The following ULK4 variants were observed in gnomAD, a reference collection of about 807,000 sequenced individuals.
The protein encoded by ULK4 is inactive serine/threonine-protein kinase ULK4.
A neutral mutation model predicts 160.6 loss-of-function variants in ULK4; 133 were observed. The observed-to-expected ratio is 0.83, with a 90% CI of 0.72 to 0.96. The LOEUF is 0.96. ULK4 is among the 40% of genes least tolerant of loss of function. The pLI is 0.00. For synonymous variants in ULK4, 534 were observed against 539.8 expected (o/e 0.99, Z 0.15); for missense variants, 1,580 against 1,499.5 (o/e 1.05, Z -0.89).
chr3:41,351,758 G>T (rs1425346959), intron 35 of ULK4, among the ~76,000 whole-genome samples: 3 of 152,102 alleles, frequency 2.0e-5, no homozygotes, highest in Non-Finnish European at 2.9e-5. Context: ...TGGGAAGAAG[G>T]TGCTCCCTTT....
chr3:41,861,472 C>T (rs1717028), intron 17 of ULK4, among the ~76,000 whole-genome samples: 47,017 of 151,666 alleles, frequency 0.31, 10,593 homozygotes, highest in African/African-American at 0.64. Context: ...CATGTCACTC[C>T]CTCCTGGGCT....
chr3:41,433,731 T>TTA (rs2082966814), intron 34 of ULK4, among the ~76,000 whole-genome samples: 1 of 151,998 alleles, frequency 6.6e-6, no homozygotes, highest in Admixed American at 6.6e-5. Flanking sequence ...TCCCAAACTT[T>TTA]TTTTTTGAGA....
At chr3:41,355,513 A>G (rs934447935) in intron 35 of ULK4, among the ~76,000 whole-genome samples, 32 of 152,230 alleles carry the variant, frequency 2.1e-4, no homozygotes, top group African/African-American at 7.5e-4. Context: ...AGTATTCATA[A>G]TCAACTTTCT....
chr3:41,313,048 A>G (rs1482711793), intron 35 of ULK4, among the ~76,000 whole-genome samples: 2 of 152,232 alleles, frequency 1.3e-5, no homozygotes, highest in Non-Finnish European at 1.5e-5. Flanking sequence ...AAATGAACAC[A>G]TGCCAAAAAG....
At chr3:41,565,889 G>C in intron 32 of ULK4, 136 bp downstream of exon 32, 2 of 612,534 alleles carry the variant, frequency 3.3e-6, no homozygotes, top group Non-Finnish European at 5.5e-6. Context: ...TCCAAATTTT[G>C]CTAGTAATAT....
At chr3:41,943,192 G>A (rs1280909293) in intron 2 of ULK4, among the ~76,000 whole-genome samples, 9 of 141,146 alleles carry the variant, frequency 6.4e-5, no homozygotes, top group East Asian at 2.1e-4. Flanking sequence ...CAGCCTGGGC[G>A]ACAGAGCGAG....
chr3:41,738,075 T>C (rs1190400105), intron 22 of ULK4, among the ~76,000 whole-genome samples: 2 of 151,920 alleles, frequency 1.3e-5, no homozygotes, highest in South Asian at 2.1e-4. Context: ...ACTTAAAATA[T>C]GTAGGGGTGA....
At chr3:41,765,077 A>C (rs1187998777) in intron 21 of ULK4, among the ~76,000 whole-genome samples, 1 of 152,206 alleles carries the variant, frequency 6.6e-6, no homozygotes, top group African/African-American at 2.4e-5. Context: ...AAAGGATTAT[A>C]AATCATGCTG....
intron 17 of ULK4, among the ~76,000 whole-genome samples, chr3:41,853,891 T>A (rs2042273097): frequency 6.6e-6 from 1 of 152,198 alleles, no homozygotes; most frequent in Non-Finnish European, 1.5e-5. Flanking sequence ...GCATGTAACA[T>A]GCATGTTTAC....
At chr3:41,529,697 T>C (rs2086236852) in intron 32 of ULK4, among the ~76,000 whole-genome samples, 2 of 152,238 alleles carry the variant, frequency 1.3e-5, no homozygotes, top group Admixed American at 1.3e-4. Context: ...TTCGCCATGT[T>C]GGTCAGGCTG....
At chr3:41,529,646 G>A (rs916901826) in intron 32 of ULK4, among the ~76,000 whole-genome samples, 5 of 151,986 alleles carry the variant, frequency 3.3e-5, no homozygotes, top group Admixed American at 1.3e-4. Context: ...CACCCTGCCC[G>A]GCTTTTTCTT....
chr3:41,667,055 G>A (rs1407131966), intron 29 of ULK4, among the ~76,000 whole-genome samples: 1 of 152,086 alleles, frequency 6.6e-6, no homozygotes, highest in Non-Finnish European at 1.5e-5. Flanking sequence ...TCAGGAGGCT[G>A]AGGTGGGAGG....
chr3:41,580,216 T>G (rs2030177321), intron 31 of ULK4, among the ~76,000 whole-genome samples: 1 of 152,144 alleles, frequency 6.6e-6, no homozygotes, highest in Non-Finnish European at 1.5e-5. Context: ...TTATAGGGGT[T>G]GAGCACAGAG....
intron 35 of ULK4, among the ~76,000 whole-genome samples, chr3:41,281,850 G>A (rs1423340749): frequency 3.3e-5 from 5 of 152,210 alleles, no homozygotes; most frequent in Non-Finnish European, 5.9e-5. Flanking sequence ...AGGAAAAGAG[G>A]AAGTCAAATT....
At chr3:41,605,688 G>A (rs1467180176) in intron 31 of ULK4, among the ~76,000 whole-genome samples, 1 of 152,004 alleles carries the variant, frequency 6.6e-6, no homozygotes, top group Non-Finnish European at 1.5e-5. Flanking sequence ...CTCTCTCAAT[G>A]AGTGACAGAA....
intron 34 of ULK4, among the ~76,000 whole-genome samples, chr3:41,452,088 T>C (rs916914265): frequency 2.0e-5 from 3 of 152,194 alleles, no homozygotes; most frequent in Non-Finnish European, 4.4e-5. Flanking sequence ...GTGGGGAATC[T>C]TCTGATTTTG....
chr3:41,797,481 C>T (rs1356770528), intron 20 of ULK4, among the ~76,000 whole-genome samples: 4 of 152,124 alleles, frequency 2.6e-5, no homozygotes, highest in South Asian at 2.1e-4. Context: ...AAAACAAAAG[C>T]TCTGCACTCT....
chr3:41,352,501 C>T (rs530257281), intron 35 of ULK4, among the ~76,000 whole-genome samples: 27 of 152,296 alleles, frequency 1.8e-4, no homozygotes, highest in Non-Finnish European at 3.2e-4. Context: ...CTGGGGGCCC[C>T]CTGTCAACCT....
intron 29 of ULK4, among the ~76,000 whole-genome samples, chr3:41,673,947 G>T (rs1442577333): frequency 2.0e-5 from 3 of 152,072 alleles, no homozygotes; most frequent in African/African-American, 4.8e-5. Context: ...CTGAGGGGCG[G>T]GAATTTAATT....
Sources: allele counts gnomAD v4.1 joint callset (sites outside exome capture counted in the v4.1 genomes callset), GRCh38; gene constraint gnomAD v4.1.1; transcripts MANE v1.5; gene names NCBI Gene and HGNC (gene_info 2026-07-23, HGNC 2026-07-21).